The following CFAP91 variants were observed in gnomAD, a reference collection of about 807,000 sequenced individuals.
CFAP91 encodes cilia- and flagella-associated protein 91.
In CFAP91, 85 loss-of-function variants were observed where a neutral mutation model predicts 95.9. That is an observed-to-expected ratio of 0.89 (90% CI 0.74 to 1.06). CFAP91 has a LOEUF of 1.06. Among genes scored for constraint, CFAP91 ranks in the 50% least tolerant of loss-of-function variants. The pLI, the probability that CFAP91 is intolerant of heterozygous loss-of-function variation, is 0.00. For synonymous variants in CFAP91, 335 were observed against 327.5 expected (o/e 1.02, Z -0.25); for missense variants, 962 against 943.4 (o/e 1.02, Z -0.26).
intron 17 of CFAP91, 51 bp downstream of exon 17, chr3:119,751,149 G>T (rs150503407): frequency 6.5e-7 from 1 of 1,545,940 alleles, no homozygotes. Context: ...AAGAAAAGCG[G>T]CATTGTTCAG....
At chr3:119,722,076 T>C (rs564615626) in intron 6 of CFAP91, among the ~76,000 whole-genome samples, 2 of 150,988 alleles carry the variant, frequency 1.3e-5, no homozygotes, top group Admixed American at 1.3e-4. Flanking sequence ...AAGAAGCTGA[T>C]GCAGGATTGC....
At chr3:119,716,453 A>G (rs574779485) in intron 6 of CFAP91, among the ~76,000 whole-genome samples, 34 of 152,194 alleles carry the variant, frequency 2.2e-4, no homozygotes, top group Non-Finnish European at 3.7e-4. Flanking sequence ...TTTAAATGAG[A>G]TTACTTTCCC....
chr3:119,703,639 G>T (rs555773323), intron 1 of CFAP91, among the ~76,000 whole-genome samples: 163 of 152,298 alleles, frequency 1.1e-3, no homozygotes, highest in African/African-American at 3.8e-3. Context: ...TCCCATGCTT[G>T]TTTTTAGGTT....
chr3:119,703,338 C>T, intron 1 of CFAP91, 116 bp downstream of exon 1: 1 of 1,479,738 alleles, frequency 6.8e-7, no homozygotes, highest in South Asian at 1.2e-5. Context: ...CTGGACTGAC[C>T]TCTTGCCCAC....
chr3:119,752,068 A>C (rs1395268137), intron 17 of CFAP91, among the ~76,000 whole-genome samples: 1 of 152,200 alleles, frequency 6.6e-6, no homozygotes, highest in Non-Finnish European at 1.5e-5. Context: ...AACTGAAAGT[A>C]AAATTCTCAT....
At chr3:119,708,249 A>T (rs1412742373) in intron 3 of CFAP91, among the ~76,000 whole-genome samples, 1 of 141,608 alleles carries the variant, frequency 7.1e-6, no homozygotes, top group Non-Finnish European at 1.5e-5. Flanking sequence ...TGGGTGACAG[A>T]GCGAGACTCT....
At chr3:119,709,978 A>AT in intron 5 of CFAP91, 83 bp downstream of exon 5, 1 of 1,081,582 alleles carries the variant, frequency 9.2e-7, no homozygotes, top group Non-Finnish European at 1.4e-6. Flanking sequence ...AGTTCACTAA[A>AT]TCACTATTTT....
At chr3:119,732,938 T>C (rs1421862468) in intron 9 of CFAP91, among the ~76,000 whole-genome samples, 1 of 152,232 alleles carries the variant, frequency 6.6e-6, no homozygotes, top group Non-Finnish European at 1.5e-5. Context: ...CACTGACAAA[T>C]TGAAGTATCA....
chr3:119,709,136 AG>A (rs1320999379), intron 4 of CFAP91, among the ~76,000 whole-genome samples: 6 of 152,334 alleles, frequency 3.9e-5, no homozygotes, highest in Admixed American at 1.3e-4. Flanking sequence ...CAAGGCCAAA[AG>A]GTTCATTTTA....
At chr3:119,758,015 T>G (rs941028438) in intron 17 of CFAP91, among the ~76,000 whole-genome samples, 1 of 152,214 alleles carries the variant, frequency 6.6e-6, no homozygotes, top group Admixed American at 6.5e-5. Flanking sequence ...CTATAATTTT[T>G]TGTTTTTTAT....
chr3:119,757,366 G>T (rs188918561), intron 17 of CFAP91, among the ~76,000 whole-genome samples: 302 of 152,274 alleles, frequency 2.0e-3, no homozygotes, highest in African/African-American at 6.8e-3. Context: ...ATATTTGGCT[G>T]GGTGCAGTGG....
chr3:119,708,750 T>C (rs2053421024), intron 4 of CFAP91, 76 bp downstream of exon 4: 2 of 924,614 alleles, frequency 2.2e-6, no homozygotes, highest in Middle Eastern at 2.9e-4. Flanking sequence ...ATAATAGTTA[T>C]CATTTTTCAG....
chr3:119,724,168 C>CAAAAA (rs60965924), intron 6 of CFAP91, among the ~76,000 whole-genome samples: 8 of 98,796 alleles, frequency 8.1e-5, no homozygotes, highest in African/African-American at 3.0e-4. Flanking sequence ...GACTTCATCT[C>CAAAAA]AAAAAAAAAA....
intron 13 of CFAP91, among the ~76,000 whole-genome samples, chr3:119,742,013 G>C (rs1244928278): frequency 6.6e-6 from 1 of 152,176 alleles, no homozygotes; most frequent in Admixed American, 6.5e-5. Context: ...CTCAGATAAG[G>C]AGCAGAATGC....
chr3:119,727,936 C>T (rs2053815866), intron 7 of CFAP91, among the ~76,000 whole-genome samples: 1 of 151,966 alleles, frequency 6.6e-6, no homozygotes, highest in Non-Finnish European at 1.5e-5. Context: ...TGCACCGTCT[C>T]CTTGCCCATC....
At chr3:119,762,504 C>T (rs2054555106) in intron 17 of CFAP91, among the ~76,000 whole-genome samples, 1 of 151,960 alleles carries the variant, frequency 6.6e-6, no homozygotes, top group Non-Finnish European at 1.5e-5. Context: ...TCATATGGAA[C>T]CATGAAAGAC....
chr3:119,733,939 G>A (rs2053951147), intron 10 of CFAP91, among the ~76,000 whole-genome samples: 1 of 152,120 alleles, frequency 6.6e-6, no homozygotes, highest in Admixed American at 6.6e-5. Context: ...TCTAGTTAAA[G>A]CCTTCACCAA....
intron 12 of CFAP91, 23 bp downstream of exon 12, chr3:119,739,349 C>T (rs1261430997): frequency 1.2e-6 from 2 of 1,609,724 alleles, no homozygotes; most frequent in Admixed American, 3.3e-5. Flanking sequence ...AACCGCTGGC[C>T]CTGCATTTCT....
At position 119,747,874 on chromosome 3, in the gene CFAP91, G is replaced by C; in HGVS notation, c.2115G>C (p.Glu705Asp). The C allele has an allele frequency of 1.2e-6, 2 of 1,613,216 alleles. No individual in the cohort carries two copies. The highest frequency in any genetic ancestry group is 1.7e-6 in the Non-Finnish European group (2 of 1,179,610). ...TGGTTTATAGTTTTCTGATCCCAGA[G>C]GTGCAAAAATACTTTGTCAAAGAAA... ...AELVYSFLIP[E>D]VQKYFVKEKV... The change falls in exon 16 of 18, where the codon GAG becomes GAC. Residue 705 changes from glutamate to aspartate, a missense_variant. By Grantham distance (45) the Glu-to-Asp change is conservative (BLOSUM62 2). Transcript: ENST00000273390.
Sources: gnomAD v4.1 joint callset for allele counts (sites outside exome capture counted in the v4.1 genomes callset) on GRCh38, gnomAD v4.1.1 for gene constraint, MANE v1.5 for transcripts, NCBI Gene and HGNC (gene_info 2026-07-23, HGNC 2026-07-21) for gene names.